Variants in PCDHGA6 observed in about 807,000 individuals in gnomAD.
PCDHGA6 encodes protocadherin gamma subfamily A, 6, also known as protocadherin gamma-A6.
In PCDHGA6, 41 loss-of-function variants were observed where a neutral mutation model predicts 60.6. The ratio of observed to expected loss-of-function variants is 0.68; its 90% confidence interval spans 0.53 to 0.88. PCDHGA6 has a LOEUF of 0.88. PCDHGA6 is among the 40% of genes least tolerant of loss of function. The pLI, the probability that PCDHGA6 is intolerant of heterozygous loss-of-function variation, is 0.00. For missense variants in PCDHGA6, 1,312 were observed against 1,203.0 expected (o/e 1.09, Z -1.34); for synonymous variants, 594 against 524.4 (o/e 1.13, Z -1.81).
At chr5:141,381,977 G>T (rs61025717) in intron 1 of PCDHGA6, among the ~76,000 whole-genome samples, 22 of 151,370 alleles carry the variant, frequency 1.5e-4, no homozygotes, top group African/African-American at 5.3e-4. Context: ...TTACAGGCGC[G>T]CGCCACCACG....
At chr5:141,425,457 T>G (rs936918643) in intron 1 of PCDHGA6, among the ~76,000 whole-genome samples, 6 of 152,318 alleles carry the variant, frequency 3.9e-5, no homozygotes, top group Admixed American at 6.5e-5. Flanking sequence ...ACCATCACAT[T>G]TCATGTTATT....
intron 1 of PCDHGA6, chr5:141,408,692 A>C: frequency 6.2e-7 from 1 of 1,613,906 alleles, no homozygotes; most frequent in Non-Finnish European, 8.5e-7. Context: ...TGATATAAAC[A>C]TAAACTCAAT....
intron 1 of PCDHGA6, chr5:141,412,995 T>G: frequency 1.7e-6 from 1 of 572,718 alleles, no homozygotes. Flanking sequence ...TCAATCCGGA[T>G]TCTCAGGGCT....
intron 1 of PCDHGA6, chr5:141,476,000 T>A (rs2099383773): frequency 1.6e-6 from 2 of 1,225,380 alleles, no homozygotes; most frequent in African/African-American, 1.5e-5. Flanking sequence ...ATCAACGGCA[T>A]CCAGAAAGCC....
intron 1 of PCDHGA6, chr5:141,423,369 A>C: frequency 1.9e-6 from 3 of 1,614,104 alleles, no homozygotes; most frequent in Non-Finnish European, 2.5e-6. Flanking sequence ...TGCTGCTGGC[A>C]CTCAGGCTGT....
chr5:141,407,661 T>G (rs964293417), intron 1 of PCDHGA6, among the ~76,000 whole-genome samples: 13 of 152,164 alleles, frequency 8.5e-5, no homozygotes, highest in African/African-American at 2.7e-4. Flanking sequence ...GAGCGCAGTA[T>G]ATATTAAACA....
intron 1 of PCDHGA6, chr5:141,419,045 T>G (rs1473408777): frequency 6.2e-7 from 1 of 1,613,710 alleles, no homozygotes; most frequent in Non-Finnish European, 8.5e-7. Context: ...TAAGATTCAT[T>G]CTTCTTCTAA....
chr5:141,430,617 C>G, intron 1 of PCDHGA6: 1 of 715,450 alleles, frequency 1.4e-6, no homozygotes, highest in South Asian at 3.9e-5. Context: ...AAGCAGATAG[C>G]TAGGAATGAA....
rs202006594 is a variant in PCDHGA6, at chr5:141,477,618, C to A, written c.2425-17189C>A. 15 of 1,614,176 alleles carry A rather than the reference C, an allele frequency of 9.3e-6. No homozygotes were observed. The African/African-American group carries it at 1.3e-4, about 14-fold the overall frequency. ...TCTTTCTTTCTCTTGGAGCAAGGAGCTGAAACCGGGCTAGTGGGTCGCTAT... is the reference window on the plus strand; with the variant it reads ...TCTTTCTTTCTCTTGGAGCAAGGAGATGAAACCGGGCTAGTGGGTCGCTAT... On this transcript the variant is annotated intron_variant, in intron 1 of 3. Coordinates refer to ENST00000517434, the MANE Select transcript of PCDHGA6 (RefSeq NM_018919.3). The surrounding 1 kb of genome is among the most constrained non-coding windows in gnomAD (Gnocchi z 4.9).
intron 1 of PCDHGA6, among the ~76,000 whole-genome samples, chr5:141,380,542 T>G (rs182715146): frequency 6.6e-6 from 1 of 152,362 alleles, no homozygotes; most frequent in East Asian, 1.9e-4. Flanking sequence ...TTTGATACAA[T>G]GAGCTTATGT....
chr5:141,432,452 C>G lies in PCDHGA6; in HGVS notation c.2424+55945C>G. The G allele has an allele frequency of 6.2e-7, 1 of 1,614,212 alleles. No individual in the cohort carries two copies. The highest frequency in any genetic ancestry group is 8.5e-7 in the Non-Finnish European group (1 of 1,180,042). On this transcript the variant is annotated intron_variant, in intron 1 of 3. Coordinates refer to ENST00000517434, the MANE Select transcript of PCDHGA6 (RefSeq NM_018919.3). The surrounding 1 kb of genome is among the most constrained non-coding windows in gnomAD (Gnocchi z 6.0). ...CGACAATGCGCCCGAGATCCTGTACCCCGCCCTCCCCACGGACGGTTCCAC... is the reference window on the plus strand; with the variant it reads ...CGACAATGCGCCCGAGATCCTGTACGCCGCCCTCCCCACGGACGGTTCCAC...
chr5:141,485,003 A>G lies in PCDHGA6; in HGVS notation c.2425-9804A>G. On this transcript the variant is annotated intron_variant, in intron 1 of 3. Coordinates refer to ENST00000517434, the MANE Select transcript of PCDHGA6 (RefSeq NM_018919.3). The surrounding 1 kb of genome is among the most constrained non-coding windows in gnomAD (Gnocchi z 5.7). ...CAATCGGGTGGTGAAAGGCAGACAA[A>G]TCTACCCCGCCACCAGCAAAAACGG... 1 of 620,758 alleles carries G rather than the reference A, an allele frequency of 1.6e-6. No homozygotes were observed. The highest frequency in any genetic ancestry group is 2.0e-5 in the South Asian group (1 of 50,492). The allele number at this position is 620,758 out of a possible 1,614,324, so 38.5% of individuals were successfully genotyped here.
rs376890554 is a variant in PCDHGA6 at position 141,408,250 on chromosome 5, G to A, written c.2424+31743G>A. 3.6e-4 allele frequency: 569 copies of A among 1,595,986 alleles called. 5 individuals are homozygous for A. The highest frequency in any genetic ancestry group is 1.7e-3 in the South Asian group (151 of 89,354). On this transcript the variant is annotated intron_variant, in intron 1 of 3. Coordinates refer to ENST00000517434, the MANE Select transcript of PCDHGA6 (RefSeq NM_018919.3). ...GGCGCCGGGCCGGCCCGCGGCAGGT[G>A]CTATTTCCTTTGCTGCTGCCTTTGT... is the stretch of plus-strand genomic sequence containing the variant.
chr5:141,509,224 T>G (rs1241668369), intron 3 of PCDHGA6, among the ~76,000 whole-genome samples: 3 of 152,176 alleles, frequency 2.0e-5, no homozygotes, highest in Non-Finnish European at 2.9e-5. Flanking sequence ...AATCCCTGGT[T>G]GATGTCCCAG....
chr5:141,438,072 A>C (rs761630845), intron 1 of PCDHGA6, among the ~76,000 whole-genome samples: 1 of 152,158 alleles, frequency 6.6e-6, no homozygotes, highest in Non-Finnish European at 1.5e-5. Flanking sequence ...AACCATACTT[A>C]ATGGAAAATT....
At chr5:141,502,035 G>C (rs1371892057) in intron 2 of PCDHGA6, among the ~76,000 whole-genome samples, 1 of 152,078 alleles carries the variant, frequency 6.6e-6, no homozygotes, top group Non-Finnish European at 1.5e-5. Context: ...CCCGCCGCTT[G>C]CCTGCTCTCC....
intron 1 of PCDHGA6, chr5:141,409,175 G>T: frequency 6.2e-7 from 1 of 1,614,008 alleles, no homozygotes; most frequent in Non-Finnish European, 8.5e-7. Flanking sequence ...GAAGGACGGA[G>T]GTGGTCTCTC....
chr5:141,374,177 C>T lies in PCDHGA6; in HGVS notation c.94C>T (p.Arg32Cys). 4 of 1,613,578 alleles carry T rather than the reference C, an allele frequency of 2.5e-6. No homozygotes were observed. Among genetic ancestry groups the T allele is most frequent in the Non-Finnish European group, 3.4e-6 (4 of 1,179,806 alleles). Reference protein sequence around the residue: ...TLWGAAAAQIRYSIPEELEKG... With the variant: ...TLWGAAAAQICYSIPEELEKG... ...GTGGGGGGCCGCGGCAGCGCAGATC[C>T]GCTACTCTATTCCCGAGGAGCTGGA... Residue 32 changes from arginine (R) to cysteine (C), a missense_variant, in exon 1 of 4, where the codon CGC becomes TGC. Coordinates refer to ENST00000517434, the MANE Select transcript of PCDHGA6 (RefSeq NM_018919.3).
chr5:141,419,776 C>A (rs965350189), intron 1 of PCDHGA6: 3 of 1,613,908 alleles, frequency 1.9e-6, no homozygotes, highest in African/African-American at 2.7e-5. Flanking sequence ...ACTCGGTCCG[C>A]CAGCGCCTGC....
Sources: allele counts gnomAD v4.1 joint callset (sites outside exome capture counted in the v4.1 genomes callset), GRCh38; gene constraint gnomAD v4.1.1; non-coding constraint Gnocchi (gnomAD v3.1); transcripts MANE v1.5; gene names NCBI Gene and HGNC (gene_info 2026-07-23, HGNC 2026-07-21).